The following IL19 variants were observed in gnomAD, a reference collection of about 807,000 sequenced individuals.
The protein encoded by IL19 is interleukin 19.
Under a neutral mutation model 19.5 loss-of-function variants are expected in IL19, and 15 were observed. That is an observed-to-expected ratio of 0.77 (90% CI 0.52 to 1.19). The LOEUF (loss-of-function observed/expected upper bound fraction) is 1.19, where lower values mean the gene tolerates loss of function less well. Among genes scored for constraint, IL19 ranks in the 50% most tolerant of loss-of-function variants. IL19 has a pLI of 0.00. For missense variants in IL19, 199 were observed against 213.1 expected, an observed-to-expected ratio of 0.93 and a Z score of 0.41; for synonymous variants, 78 against 78.3, an observed-to-expected ratio of 1.00 and a Z score of 0.02.
intron 1 of IL19, among the ~76,000 whole-genome samples, chr1:206,796,879 C>T (rs1675537427): frequency 6.6e-6 from 1 of 152,194 alleles, no homozygotes; most frequent in Non-Finnish European, 1.5e-5. Context: ...TTCTGGGAGG[C>T]CCAGACAGTA....
chr1:206,796,427 C>T (rs1283249263), intron 1 of IL19, among the ~76,000 whole-genome samples: 1 of 152,182 alleles, frequency 6.6e-6, no homozygotes, highest in African/African-American at 2.4e-5. Flanking sequence ...CTTTACGAGG[C>T]TGGTGGCTTG....
intron 2 of IL19, among the ~76,000 whole-genome samples, chr1:206,829,689 C>T (rs186508125): frequency 1.6e-4 from 24 of 152,232 alleles, no homozygotes; most frequent in African/African-American, 5.5e-4. Flanking sequence ...GTCCACCTAC[C>T]TAGGGAAGAG....
At chr1:206,836,921 C>T (rs746956456) in intron 3 of IL19, 37 bp from the exon 4 acceptor site, 5 of 1,604,404 alleles carry the variant, frequency 3.1e-6, no homozygotes, top group Admixed American at 3.3e-5. Context: ...CATAGGATAC[C>T]GATTGCTTAT....
intron 1 of IL19, among the ~76,000 whole-genome samples, chr1:206,791,569 C>G (rs1675404575): frequency 6.6e-6 from 1 of 152,206 alleles, no homozygotes; most frequent in Admixed American, 6.5e-5. Flanking sequence ...TCCCAAAGTG[C>G]TGGGATTACA....
intron 1 of IL19, among the ~76,000 whole-genome samples, chr1:206,792,501 T>G (rs1675433235): frequency 1.3e-5 from 2 of 151,538 alleles, no homozygotes; most frequent in African/African-American, 4.8e-5. Context: ...CTGTCGCACA[T>G]GCTGGGGTGG....
chr1:206,776,954 G>A (rs1384287394), intron 1 of IL19, among the ~76,000 whole-genome samples: 1 of 149,460 alleles, frequency 6.7e-6, no homozygotes, highest in South Asian at 2.1e-4. Flanking sequence ...CTCCCTTGTC[G>A]GGCACGGTGG....
At chr1:206,776,627 C>A (rs909360268) in intron 1 of IL19, among the ~76,000 whole-genome samples, 1 of 152,072 alleles carries the variant, frequency 6.6e-6, no homozygotes, top group Non-Finnish European at 1.5e-5. Context: ...AACTAAGAAT[C>A]CCTAAGCCTA....
intron 2 of IL19, among the ~76,000 whole-genome samples, chr1:206,827,166 T>A (rs1676459542): frequency 6.6e-6 from 1 of 152,352 alleles, no homozygotes; most frequent in Non-Finnish European, 1.5e-5. Flanking sequence ...AATATTTTTT[T>A]ATTCTCTTTA....
chr1:206,839,634 C>T (rs1676930631), intron 4 of IL19, among the ~76,000 whole-genome samples: 1 of 152,050 alleles, frequency 6.6e-6, no homozygotes, highest in Admixed American at 6.5e-5. Flanking sequence ...CTCGGCCATA[C>T]AGAAAAAGGG....
intron 2 of IL19, among the ~76,000 whole-genome samples, chr1:206,819,323 C>A (rs1052124055): frequency 6.6e-6 from 1 of 151,984 alleles, no homozygotes; most frequent in Non-Finnish European, 1.5e-5. Context: ...CAGTAGCTCA[C>A]GCCTGTAATC....
chr1:206,782,408 T>A (rs1675168933), intron 1 of IL19, among the ~76,000 whole-genome samples: 1 of 136,048 alleles, frequency 7.4e-6, no homozygotes, highest in Admixed American at 8.0e-5. Flanking sequence ...CCTTAGAGAA[T>A]GAATGCTGTA....
chr1:206,784,154 C>T (rs1675210449), intron 1 of IL19, among the ~76,000 whole-genome samples: 1 of 152,202 alleles, frequency 6.6e-6, no homozygotes, highest in Non-Finnish European at 1.5e-5. Context: ...GTTTCCAGCC[C>T]TGGACCTTCT....
chr1:206,779,112 G>A (rs745898907), intron 1 of IL19, among the ~76,000 whole-genome samples: 1 of 152,194 alleles, frequency 6.6e-6, no homozygotes, highest in South Asian at 2.1e-4. Flanking sequence ...TCTAAGCCCA[G>A]GGCATAAAAT....
intron 4 of IL19, among the ~76,000 whole-genome samples, chr1:206,839,052 C>G (rs1281993968): frequency 6.6e-6 from 1 of 152,244 alleles, no homozygotes; most frequent in Non-Finnish European, 1.5e-5. Context: ...CCTGCTTAGA[C>G]TGAACAGTTA....
At chr1:206,795,615 T>C (rs1235618921) in intron 1 of IL19, among the ~76,000 whole-genome samples, 1 of 152,186 alleles carries the variant, frequency 6.6e-6, no homozygotes, top group African/African-American at 2.4e-5. Flanking sequence ...GTCTACCTTC[T>C]TCCTCATTCT....
intron 2 of IL19, among the ~76,000 whole-genome samples, chr1:206,809,379 T>C (rs1218175040): frequency 6.6e-6 from 1 of 152,208 alleles, no homozygotes; most frequent in Non-Finnish European, 1.5e-5. Context: ...GGGCATGAAC[T>C]TCAGAAGATG....
chr1:206,774,524 G>A (rs1366328125), intron 1 of IL19, among the ~76,000 whole-genome samples: 1 of 152,134 alleles, frequency 6.6e-6, no homozygotes, highest in African/African-American at 2.4e-5. Context: ...TTCCAGAAGT[G>A]GACTCAGCAT....
At chr1:206,771,712 G>A (rs1394909357) in intron 1 of IL19, among the ~76,000 whole-genome samples, 2 of 152,178 alleles carry the variant, frequency 1.3e-5, no homozygotes, top group African/African-American at 4.8e-5. Context: ...GGCTTTAAGG[G>A]ACACCTATGT....
intron 2 of IL19, among the ~76,000 whole-genome samples, chr1:206,815,440 A>G (rs1478868456): frequency 6.6e-6 from 1 of 152,208 alleles, no homozygotes; most frequent in Admixed American, 6.5e-5. Context: ...TACTCTTGAG[A>G]ATTCCTAATA....
Sources: allele counts gnomAD v4.1 joint callset (sites outside exome capture counted in the v4.1 genomes callset), GRCh38; gene constraint gnomAD v4.1.1; transcripts MANE v1.5; gene names NCBI Gene and HGNC (gene_info 2026-07-23, HGNC 2026-07-21).